Variants in LPP observed in about 807,000 individuals in gnomAD.
The protein encoded by LPP is LIM domain containing preferred translocation partner in lipoma.
LPP carries 38 observed loss-of-function variants against 60.4 expected under a neutral mutation model. The ratio of observed to expected loss-of-function variants is 0.63; its 90% CI spans 0.49 to 0.83. The LOEUF is 0.83. LPP is among the 40% of genes least tolerant of loss of function. The pLI, the probability that LPP is intolerant of heterozygous loss-of-function variation, is 0.00. For synonymous variants in LPP, 328 were observed against 290.8 expected (o/e 1.13, Z -1.30); for missense variants, 902 against 783.6 (o/e 1.15, Z -1.80).
At chr3:188,872,580 C>T (rs1768396450) in intron 10 of LPP, 63 bp from the exon 11 acceptor site, 5 of 1,600,404 alleles carry the variant, frequency 3.1e-6, no homozygotes, top group Non-Finnish European at 4.3e-6. Context: ...CTTCCTTTTA[C>T]CTCTGCGTCC....
At chr3:188,795,059 C>T (rs536781603) in intron 9 of LPP, among the ~76,000 whole-genome samples, 12 of 152,196 alleles carry the variant, frequency 7.9e-5, no homozygotes, top group South Asian at 2.1e-4. Flanking sequence ...TGCTTGAACC[C>T]GGGAGGTGGA....
chr3:188,644,635 A>G (rs547496263), intron 7 of LPP, among the ~76,000 whole-genome samples: 13 of 152,318 alleles, frequency 8.5e-5, no homozygotes, highest in Admixed American at 2.6e-4. Context: ...AAAAAGTACT[A>G]AAATAAAATT....
chr3:188,456,226 G>A (rs866422137), intron 4 of LPP, among the ~76,000 whole-genome samples: 7 of 152,170 alleles, frequency 4.6e-5, no homozygotes, highest in South Asian at 4.1e-4. Context: ...CCTGTACTAC[G>A]TATAAAGATT....
intron 1 of LPP, among the ~76,000 whole-genome samples, chr3:188,204,648 T>A (rs1188745036): frequency 6.6e-6 from 1 of 152,194 alleles, no homozygotes; most frequent in East Asian, 1.9e-4. Context: ...TCGTTCCTGT[T>A]TTACAGACAA....
At chr3:188,483,069 G>A (rs1391849185) in intron 4 of LPP, among the ~76,000 whole-genome samples, 1 of 152,162 alleles carries the variant, frequency 6.6e-6, no homozygotes, top group Non-Finnish European at 1.5e-5. Flanking sequence ...ATGATTCGGT[G>A]GCAGTGTATG....
chr3:188,612,675 T>A (rs1843974843), intron 7 of LPP, among the ~76,000 whole-genome samples: 1 of 152,214 alleles, frequency 6.6e-6, no homozygotes, highest in Non-Finnish European at 1.5e-5. Context: ...TAATTTTTTT[T>A]AGTCACTGAT....
chr3:188,321,788 G>C (rs183474800), intron 2 of LPP, among the ~76,000 whole-genome samples: 11 of 152,228 alleles, frequency 7.2e-5, no homozygotes, highest in African/African-American at 2.4e-4. Flanking sequence ...GTAGAAGATG[G>C]TTAACTGGCA....
chr3:188,678,995 G>T (rs1456501383), intron 7 of LPP, among the ~76,000 whole-genome samples: 1 of 152,214 alleles, frequency 6.6e-6, no homozygotes, highest in Non-Finnish European at 1.5e-5. Context: ...ATGGGAAGAT[G>T]CTGGCATTTA....
At chr3:188,527,257 G>A (rs1349829473) in intron 6 of LPP, among the ~76,000 whole-genome samples, 1 of 150,206 alleles carries the variant, frequency 6.7e-6, no homozygotes, top group Non-Finnish European at 1.5e-5. Flanking sequence ...GGCTGAGGCA[G>A]GAGAATCGTT....
chr3:188,731,925 G>C (rs1333575255), intron 8 of LPP, among the ~76,000 whole-genome samples: 2 of 151,986 alleles, frequency 1.3e-5, no homozygotes, highest in African/African-American at 4.8e-5. Flanking sequence ...TTCATTTACA[G>C]AGAAATGGTG....
At chr3:188,778,161 T>C (rs1159678422) in intron 9 of LPP, among the ~76,000 whole-genome samples, 2 of 152,166 alleles carry the variant, frequency 1.3e-5, no homozygotes, top group Non-Finnish European at 2.9e-5. Context: ...GAATTTCAGG[T>C]ACAATTCAGT....
chr3:188,499,669 A>G (rs1449017848), intron 5 of LPP, among the ~76,000 whole-genome samples: 2 of 152,094 alleles, frequency 1.3e-5, no homozygotes, highest in Non-Finnish European at 2.9e-5. Flanking sequence ...TTTGATCGGG[A>G]CCGCATTAAG....
chr3:188,634,085 A>G (rs897420595), intron 7 of LPP, among the ~76,000 whole-genome samples: 6 of 152,236 alleles, frequency 3.9e-5, no homozygotes, highest in South Asian at 2.1e-4. Context: ...GAATAGTTAC[A>G]TAAACCTTAA....
Position 188,885,405 on chromosome 3 carries a change from T to C in LPP, c.*10926T>C, listed in dbSNP as rs1296981058. 1.0e-5 allele frequency: 2 copies of C among 192,358 alleles called. No individual in the cohort carries two copies. Among genetic ancestry groups the C allele is most frequent in the African/African-American group, 2.3e-5 (1 of 43,044 alleles). The allele number at this position is 192,358 out of a possible 1,614,324, so 11.9% of individuals were successfully genotyped here. On this transcript the variant is annotated 3_prime_UTR_variant, in exon 12 of 12. Coordinates refer to ENST00000617246, the MANE Select transcript of LPP (RefSeq NM_001375462.1). Reference sequence around the variant, plus strand: ...ACTTCTCACCCCTTCCTAGTCCTCATGCCTGAGGAATAAGGGCGACATTAA... The same window carrying C: ...ACTTCTCACCCCTTCCTAGTCCTCACGCCTGAGGAATAAGGGCGACATTAA...
At chr3:188,450,650 C>T (rs7651435) in intron 4 of LPP, among the ~76,000 whole-genome samples, 1,924 of 151,482 alleles carry the variant, frequency 0.013, 41 homozygotes, top group African/African-American at 0.044. Flanking sequence ...GAGGCTGAGG[C>T]AGGAGAATTG....
At chr3:188,230,790 A>G (rs1024219708) in intron 2 of LPP, among the ~76,000 whole-genome samples, 13 of 150,470 alleles carry the variant, frequency 8.6e-5, no homozygotes, top group African/African-American at 2.7e-4. Context: ...AAAAAAAAAG[A>G]AAAAAAGCAT....
At chr3:188,775,944 G>A (rs1737612281) in intron 9 of LPP, among the ~76,000 whole-genome samples, 1 of 152,236 alleles carries the variant, frequency 6.6e-6, no homozygotes, top group African/African-American at 2.4e-5. Context: ...AAAAGTGAGT[G>A]TTTAAACACA....
chr3:188,739,795 C>T (rs1577286246), intron 8 of LPP, among the ~76,000 whole-genome samples: 1 of 152,044 alleles, frequency 6.6e-6, no homozygotes, highest in African/African-American at 2.4e-5. Flanking sequence ...GTCATTCAAT[C>T]TCTGTCTACT....
At chr3:188,765,429 C>T (rs1397595059) in intron 9 of LPP, among the ~76,000 whole-genome samples, 4 of 152,136 alleles carry the variant, frequency 2.6e-5, no homozygotes, top group Non-Finnish European at 5.9e-5. Context: ...GTCAAGCACT[C>T]TCTTGGGAAG....
Sources: allele counts gnomAD v4.1 joint callset (sites outside exome capture counted in the v4.1 genomes callset), GRCh38; gene constraint gnomAD v4.1.1; transcripts MANE v1.5; gene names NCBI Gene and HGNC (gene_info 2026-07-23, HGNC 2026-07-21).